ADGRB3: variants seen among roughly 807,000 people sequenced by gnomAD.
The protein encoded by ADGRB3 is adhesion G protein-coupled receptor B3, also known as brain-specific angiogenesis inhibitor 3.
A neutral mutation model predicts 193.4 loss-of-function variants in ADGRB3; 37 were observed. The observed-to-expected ratio is 0.19, with a 90% confidence interval of 0.15 to 0.25. The LOEUF (loss-of-function observed/expected upper bound fraction) is 0.25. Among genes scored for constraint, ADGRB3 ranks in the 10% least tolerant of loss-of-function variants. The pLI is 1.00. For synonymous variants in ADGRB3, 690 were observed against 644.2 expected, an observed-to-expected ratio of 1.07 and a Z score of -1.08; for missense variants, 1,637 against 1,852.9, an observed-to-expected ratio of 0.88 and a Z score of 2.14.
intron 24 of ADGRB3, among the ~76,000 whole-genome samples, chr6:69,333,346 A>G (rs1768767623): frequency 6.6e-6 from 1 of 152,164 alleles, no homozygotes; most frequent in African/African-American, 2.4e-5. Context: ...CACAAAGAAC[A>G]GGAGGTAGAT....
chr6:69,206,078 T>TATATAC (rs1554169623), intron 17 of ADGRB3, among the ~76,000 whole-genome samples: 1 of 139,794 alleles, frequency 7.2e-6, no homozygotes, highest in African/African-American at 2.7e-5. Context: ...TATATATATA[T>TATATAC]GAGTTTATTA....
chr6:69,195,882 A>C (rs957207599), intron 17 of ADGRB3, among the ~76,000 whole-genome samples: 1 of 152,020 alleles, frequency 6.6e-6, no homozygotes, highest in African/African-American at 2.4e-5. Context: ...GCAAGGCCTT[A>C]TTTATCTTTT....
rs1263705385 is a variant in ADGRB3 at position 68,770,949 on chromosome 6, G to C, written c.757+131517G>C. On this transcript the variant is annotated intron_variant, in intron 3 of 31. Coordinates refer to ENST00000370598, the MANE Select transcript of ADGRB3 (RefSeq NM_001704.3). Reference sequence around the variant, plus strand: ...TTAGGCACTAAAAGTTAGTATCTCTGAGCTGCCTCTTAGCATTATTATCAA... The same window carrying C: ...TTAGGCACTAAAAGTTAGTATCTCTCAGCTGCCTCTTAGCATTATTATCAA... 2.0e-5 allele frequency among the ~76,000 whole-genome samples: 3 copies of C among 152,110 alleles called. 1 individual carries two copies. The South Asian group carries it at 6.2e-4, about 32-fold the overall frequency.
chr6:68,822,463 A>G (rs1271075338), intron 3 of ADGRB3, among the ~76,000 whole-genome samples: 4 of 151,864 alleles, frequency 2.6e-5, no homozygotes, highest in African/African-American at 4.8e-5. Context: ...TGAAATACCT[A>G]TTATTTTATA....
chr6:69,186,542 GA>G (rs1765073733), intron 17 of ADGRB3, among the ~76,000 whole-genome samples: 1 of 148,242 alleles, frequency 6.7e-6, no homozygotes, highest in South Asian at 2.1e-4. Flanking sequence ...CCAAGTACCT[GA>G]AAAAAGAAAA....
At chr6:68,897,090 T>C (rs1380503185) in intron 3 of ADGRB3, among the ~76,000 whole-genome samples, 1 of 152,054 alleles carries the variant, frequency 6.6e-6, no homozygotes, top group East Asian at 1.9e-4. Context: ...TCGGTGTTCA[T>C]GTAGCTGGTG....
intron 17 of ADGRB3, among the ~76,000 whole-genome samples, chr6:69,134,968 T>C (rs576803478): frequency 1.3e-5 from 2 of 152,128 alleles, no homozygotes; most frequent in South Asian, 4.1e-4. Context: ...ATTTGTGGTA[T>C]AAAACAAACT....
In ADGRB3 at chr6:69,010,205, G is replaced by A. The variant is rs143201644; in HGVS notation, c.1930-3833G>A. Among the ~76,000 whole-genome samples, 24 of 152,096 alleles carry A rather than the reference G, an allele frequency of 1.6e-4. No homozygotes were observed. In the East Asian group the frequency reaches 4.5e-3, roughly 28 times the overall value. ...CATTCACCATAATGCCTCTCACATA[G>A]TAGGTATCTAATACTAACTTCCCTG... On this transcript the variant is annotated intron_variant, in intron 11 of 31. Coordinates refer to ENST00000370598, the MANE Select transcript of ADGRB3 (RefSeq NM_001704.3).
chr6:68,738,288 T>C (rs1226227205), intron 3 of ADGRB3, among the ~76,000 whole-genome samples: 1 of 152,170 alleles, frequency 6.6e-6, no homozygotes, highest in African/African-American at 2.4e-5. Context: ...AGAGCACTTG[T>C]ATTACCTTGC....
intron 3 of ADGRB3, among the ~76,000 whole-genome samples, chr6:68,697,535 ACTTAT>A (rs1456226661): frequency 1.3e-5 from 2 of 151,896 alleles, no homozygotes; most frequent in Non-Finnish European, 2.9e-5. Context: ...GACTCATACT[ACTTAT>A]CTTAATAATT....
chr6:69,087,489 A>G (rs1772583756), intron 17 of ADGRB3, among the ~76,000 whole-genome samples: 1 of 152,146 alleles, frequency 6.6e-6, no homozygotes. Flanking sequence ...CTCATATAAA[A>G]GACCCCAAAG....
Position 69,339,263 on chromosome 6 carries a change from G to A in ADGRB3, c.3288-70G>A, listed in dbSNP as rs1768921904. The A allele has an allele frequency of 3.9e-6, 6 of 1,535,664 alleles. No homozygotes were observed. The South Asian group carries it at 7.4e-5, about 19-fold the overall frequency. The stretch of plus-strand genomic sequence containing the variant: ...GAACCACATACAAAAATGCTTTGTT[G>A]AATGGGGGTTTGGCTATGGCCTGGG... On this transcript the variant is annotated intron_variant, in intron 25 of 31. Coordinates refer to ENST00000370598, the MANE Select transcript of ADGRB3 (RefSeq NM_001704.3).
At chr6:68,777,290 A>G (rs1459545420) in intron 3 of ADGRB3, among the ~76,000 whole-genome samples, 1 of 152,128 alleles carries the variant, frequency 6.6e-6, no homozygotes. Flanking sequence ...TTGCACTATG[A>G]TGCAATTAGC....
chr6:68,721,592 T>G (rs1227319235), intron 3 of ADGRB3, among the ~76,000 whole-genome samples: 1 of 142,038 alleles, frequency 7.0e-6, no homozygotes, highest in Non-Finnish European at 1.6e-5. Flanking sequence ...AACCTGCACG[T>G]TGTGCACATG....
Position 69,325,041 on chromosome 6 carries a change from C to T in ADGRB3, c.2965+19C>T, listed in dbSNP as rs111871839. ...GGATGGGGTAAGCATATTGATATAC[C>T]GTTTCATGCTCTTCTCAAAATGACG... is the stretch of plus-strand genomic sequence containing the variant. On this transcript the variant is annotated intron_variant, in intron 21 of 31. Coordinates refer to ENST00000370598, the MANE Select transcript of ADGRB3 (RefSeq NM_001704.3). 26 of 1,601,210 alleles carry T rather than the reference C, an allele frequency of 1.6e-5. No homozygotes were observed. Among genetic ancestry groups the T allele is most frequent in the Middle Eastern group, 1.7e-4 (1 of 6,008 alleles).
chr6:69,193,830 G>A (rs531343866), intron 17 of ADGRB3, among the ~76,000 whole-genome samples: 34 of 151,962 alleles, frequency 2.2e-4, no homozygotes, highest in African/African-American at 8.2e-4. Flanking sequence ...CACAAATTAA[G>A]ATGACATTAT....
intron 17 of ADGRB3, among the ~76,000 whole-genome samples, chr6:69,132,447 T>C (rs1050220202): frequency 7.2e-5 from 11 of 151,992 alleles, no homozygotes; most frequent in Non-Finnish European, 4.4e-5. Flanking sequence ...CTGTTCATAT[T>C]TTTCATCCAC....
intron 20 of ADGRB3, among the ~76,000 whole-genome samples, chr6:69,255,452 T>C (rs910372098): frequency 4.6e-5 from 7 of 152,258 alleles, no homozygotes; most frequent in African/African-American, 1.7e-4. Flanking sequence ...ATTTCTCTGA[T>C]GTCCAGTGAT....
chr6:69,122,937 T>C (rs1186292372), intron 17 of ADGRB3, among the ~76,000 whole-genome samples: 9 of 151,904 alleles, frequency 5.9e-5, no homozygotes, highest in African/African-American at 2.2e-4. Context: ...ATAATACTTA[T>C]CTATCTATAT....
Sources: allele counts gnomAD v4.1 joint callset (sites outside exome capture counted in the v4.1 genomes callset), GRCh38; gene constraint gnomAD v4.1.1; transcripts MANE v1.5; gene names NCBI Gene and HGNC (gene_info 2026-07-23, HGNC 2026-07-21).